The following STK36 variants were observed in gnomAD, a reference collection of about 807,000 sequenced individuals.
The protein encoded by STK36 is serine/threonine-protein kinase 36.
STK36 carries 116 observed loss-of-function variants against 142.2 expected under a neutral mutation model. The observed-to-expected ratio is 0.82, with a 90% confidence interval of 0.70 to 0.95. STK36 has a LOEUF of 0.95. STK36 is among the 40% of genes least tolerant of loss of function. The pLI, the probability that STK36 is intolerant of heterozygous loss-of-function variation, is 0.00. For synonymous variants in STK36, 619 were observed against 641.7 expected, an observed-to-expected ratio of 0.96 and a Z score of 0.53; for missense variants, 1,422 against 1,617.2, an observed-to-expected ratio of 0.88 and a Z score of 2.07.
chr2:218,673,838 A>C lies in STK36; in HGVS notation c.226-41A>C, dbSNP rs773403435. 11 of 1,614,012 alleles carry C rather than the reference A, an allele frequency of 6.8e-6. No individual in the cohort carries two copies. In the African/African-American group the frequency reaches 1.1e-4, roughly 16 times the overall value. On this transcript the variant is annotated intron_variant, in intron 3 of 26. Coordinates refer to ENST00000295709, the MANE Select transcript of STK36 (RefSeq NM_015690.5). ...CAGGAATTTCCCAACCTCAGAATGC[A>C]TGAATCTGGAGCCATCAGTGCCACT...
intron 7 of STK36, 119 bp from the exon 8 acceptor site, chr2:218,679,441 A>G: frequency 2.2e-6 from 3 of 1,368,012 alleles, no homozygotes; most frequent in Non-Finnish European, 3.0e-6. Context: ...TCTCTCTGTC[A>G]CTTTTTCAAA....
chr2:218,693,381 T>C, intron 17 of STK36, 37 bp downstream of exon 17: 1 of 1,582,140 alleles, frequency 6.3e-7, no homozygotes, highest in African/African-American at 1.4e-5. Flanking sequence ...AGCTTTATTT[T>C]TAACTCCCAG....
chr2:218,673,736 A>G lies in STK36; in HGVS notation c.196A>G (p.Met66Val). The G allele has an allele frequency of 1.2e-6, 2 of 1,614,154 alleles. No individual in the cohort carries two copies. The highest frequency in any genetic ancestry group is 1.7e-6 in the Non-Finnish European group (2 of 1,180,032). The change falls in exon 3 of 27, where the codon ATG (methionine) becomes GTG (valine). Residue 66 changes from methionine (M) to valine (V), a missense_variant. Transcript: ENST00000295709. ...TCTGCGGCATCCCAACATTGTGCATATGCTTGACAGCTTTGAAACTGATAA... is the reference window on the plus strand; with the variant it reads ...TCTGCGGCATCCCAACATTGTGCATGTGCTTGACAGCTTTGAAACTGATAA... Reference protein sequence around the residue: ...RGLRHPNIVHMLDSFETDKEV... With the variant: ...RGLRHPNIVHVLDSFETDKEV...
intron 11 of STK36, among the ~76,000 whole-genome samples, chr2:218,685,527 T>G (rs796898529): frequency 1.3e-5 from 2 of 152,178 alleles, no homozygotes; most frequent in South Asian, 4.1e-4. Context: ...AGTACTTACA[T>G]AATGAGGGAA....
At chr2:218,688,442 A>G in intron 11 of STK36, 1 of 591,256 alleles carries the variant, frequency 1.7e-6, no homozygotes. Context: ...TTAGTCTGAC[A>G]GAGATCCTGA....
At chr2:218,672,535 A>G in intron 1 of STK36, 2 of 384,682 alleles carry the variant, frequency 5.2e-6, no homozygotes, top group East Asian at 1.1e-4. Flanking sequence ...GTGAGGGAGA[A>G]GGGGAACCAG....
intron 5 of STK36, 87 bp from the exon 6 acceptor site, chr2:218,675,942 C>T (rs775998161): frequency 2.2e-5 from 34 of 1,539,316 alleles, no homozygotes; most frequent in Middle Eastern, 1.9e-4. Flanking sequence ...CCCTCTGCTC[C>T]GGTTTGGGAT....
At chr2:218,691,936 T>C (rs1402032169) in intron 14 of STK36, among the ~76,000 whole-genome samples, 1 of 152,216 alleles carries the variant, frequency 6.6e-6, no homozygotes, top group African/African-American at 2.4e-5. Flanking sequence ...GATCAGAGAA[T>C]AGAAGGATTG....
chr2:218,696,475 G>A, intron 21 of STK36, 52 bp from the exon 22 acceptor site: 6 of 1,541,882 alleles, frequency 3.9e-6, no homozygotes, highest in Non-Finnish European at 5.4e-6. Context: ...TTGGTTTAAC[G>A]GACACCCCAT....
intron 6 of STK36, among the ~76,000 whole-genome samples, chr2:218,677,488 C>T (rs1940310103): frequency 6.6e-6 from 1 of 152,218 alleles, no homozygotes; most frequent in Non-Finnish European, 1.5e-5. Context: ...GTTTGCCAAA[C>T]CTGAGAATGG....
Position 218,698,681 on chromosome 2 carries a change from C to G in STK36, c.3137C>G (p.Thr1046Ser), listed in dbSNP as rs1216073917. Residue 1046 changes from threonine (T) to serine (S), a missense_variant, in exon 26 of 27, where the codon ACC becomes AGC. Thr to Ser is a moderately conservative substitution (Grantham distance 58). This residue lies in a region of STK36 where 962 missense variants were observed against 1,167.5 expected (regional missense o/e 0.82). Coordinates refer to ENST00000295709, the MANE Select transcript of STK36 (RefSeq NM_015690.5). ...ACACGCCTGGCCCTCATGGATCCCA[C>G]CTCTCTCAACCAGTTTGTGAACACA... is the stretch of plus-strand genomic sequence containing the variant. ...LLTRLALMDP[T>S]SLNQFVNTVS... 3.7e-6 allele frequency: 6 copies of G among 1,614,102 alleles called. No individual in the cohort carries two copies. In the African/African-American group the frequency reaches 6.7e-5, roughly 18 times the overall value.
chr2:218,698,617 C>T lies in STK36; in HGVS notation c.3073C>T (p.Leu1025Phe), dbSNP rs770683908. The T allele has an allele frequency of 1.9e-6, 3 of 1,613,912 alleles. No individual in the cohort carries two copies. The highest frequency in any genetic ancestry group is 1.7e-6 in the Non-Finnish European group (2 of 1,179,890). ...GTTCTCTCAGGTCTGCTGCTACCAT[C>T]TTCCGTTGATGCAAGTGGAGCTGCC... The part of the protein sequence containing the change: ...AHLLQVCCYH[L>F]PLMQVELPIS... Residue 1025 changes from leucine to phenylalanine, a missense_variant, in exon 26 of 27, where the codon CTT becomes TTT. Physicochemically the swap from Leu to Phe is conservative, Grantham distance 22. This residue lies in a region of STK36 where 962 missense variants were observed against 1,167.5 expected (regional missense o/e 0.82). Coordinates refer to ENST00000295709, the MANE Select transcript of STK36 (RefSeq NM_015690.5).
rs1479523743 is a variant in STK36 at position 218,673,873 on chromosome 2, CTG to C, written c.226-4_226-3del. ...AGCCATCAGTGCCACTGCCTTCTCT[CTG>C]TAGGTGGTGGTGGTGACAGACTATG... is the stretch of plus-strand genomic sequence containing the variant. On this transcript the variant is annotated splice_polypyrimidine_tract_variant and splice_region_variant and intron_variant, in intron 3 of 26. Transcript: ENST00000295709. 8 of 1,614,170 alleles carry C rather than the reference CTG, an allele frequency of 5.0e-6. No homozygotes were observed. The South Asian group carries it at 8.8e-5, about 18-fold the overall frequency.
rs766894070 is a variant in STK36, at chr2:218,676,009, C to G, written c.435-20C>G. The G allele has an allele frequency of 6.2e-7, 1 of 1,611,494 alleles. No homozygotes were observed. The highest frequency in any genetic ancestry group is 1.1e-5 in the South Asian group (1 of 90,736). ...AGAATATCTTTTCCCTTTCCATTTC[C>G]ATCCCATTATCTTCTGCAGATTTGC... On this transcript the variant is annotated intron_variant, in intron 5 of 26. Transcript: ENST00000295709.
chr2:218,696,144 G>T (rs1215673079), intron 21 of STK36, among the ~76,000 whole-genome samples: 1 of 152,178 alleles, frequency 6.6e-6, no homozygotes, highest in Non-Finnish European at 1.5e-5. Context: ...TTACAGGCGT[G>T]AGCTACCTCA....
Position 218,675,393 on chromosome 2 carries a change from C to T in STK36, c.354C>T (p.Ser118=). The T allele has an allele frequency of 6.2e-7, 1 of 1,613,720 alleles. No individual in the cohort carries two copies. Among genetic ancestry groups the T allele is most frequent in the Non-Finnish European group, 8.5e-7 (1 of 1,179,922 alleles). ...TGTCAGCCCTGTACTATCTGCATTC[C>T]CACCGCATCCTACACCGAGATATGA... ...QLVSALYYLH[S]HRILHRDMKP... Residue 118 remains serine (S), a synonymous_variant, in exon 5 of 27, where the codon TCC becomes TCT. Coordinates refer to ENST00000295709, the MANE Select transcript of STK36 (RefSeq NM_015690.5).
rs139200724 is a variant in STK36 at position 218,692,587 on chromosome 2, C to T, written c.1920C>T (p.Ala640=). The change falls in exon 16 of 27, where the codon GCC becomes GCT. Residue 640 remains alanine, a synonymous_variant. Coordinates refer to ENST00000295709, the MANE Select transcript of STK36 (RefSeq NM_015690.5). ...PQLPVHTPQG[A]PQVSQPLREQ... ...ACTCTTTGCTTTTCTCCACAGGAGC[C>T]CCGCAAGTGAGCCAGCCACTGCGAG... The T allele has an allele frequency of 3.8e-5, 61 of 1,611,316 alleles. No individual in the cohort carries two copies. The highest frequency in any genetic ancestry group is 5.0e-5 in the Non-Finnish European group (59 of 1,179,402).
intron 11 of STK36, among the ~76,000 whole-genome samples, chr2:218,685,960 C>T (rs1007485371): frequency 6.6e-6 from 1 of 151,532 alleles, no homozygotes; most frequent in South Asian, 2.1e-4. Context: ...TTTTTTGAGA[C>T]GGAATCTCAC....
chr2:218,673,382 A>T, intron 2 of STK36: 1 of 527,940 alleles, frequency 1.9e-6, no homozygotes, highest in Non-Finnish European at 3.2e-6. Flanking sequence ...TGGTCAAATC[A>T]GAACACTTCT....
Sources: allele counts gnomAD v4.1 joint callset (sites outside exome capture counted in the v4.1 genomes callset), GRCh38; gene constraint gnomAD v4.1.1; regional missense constraint gnomAD v4.1.1; transcripts MANE v1.5; gene names NCBI Gene and HGNC (gene_info 2026-07-23, HGNC 2026-07-21).